The following HDAC4 variants were observed in gnomAD, a reference collection of about 807,000 sequenced individuals.
HDAC4 encodes the protein histone deacetylase 4.
A neutral mutation model predicts 135.1 loss-of-function variants in HDAC4; 16 were observed. The observed-to-expected ratio is 0.12, with a 90% CI of 0.08 to 0.18. The LOEUF (loss-of-function observed/expected upper bound fraction) is 0.18, where lower values mean the gene tolerates loss of function less well. Among genes scored for constraint, HDAC4 ranks in the 10% least tolerant of loss-of-function variants. The probability of loss-of-function intolerance (pLI) is 1.00; values close to 1 mark genes in which losing one functional copy is unlikely to be tolerated. For synonymous variants in HDAC4, 685 were observed against 653.4 expected (o/e 1.05, Z -0.74); for missense variants, 1,143 against 1,511.8 (o/e 0.76, Z 4.05).
rs1347132916 is a variant in HDAC4, at chr2:239,332,625, GA to G, written c.22+20052del. Among the ~76,000 whole-genome samples, 7 of 149,074 alleles carry G rather than the reference GA, an allele frequency of 4.7e-5. No homozygotes were observed. The East Asian group carries it at 1.2e-3, about 25-fold the overall frequency. On this transcript the variant is annotated intron_variant, in intron 2 of 26. Coordinates refer to ENST00000543185, the MANE Select transcript of HDAC4 (RefSeq NM_001378414.1). ...AGTTTTAAGCACGTGGATTACAGAA[GA>G]AAGTCTGAAAAAAAAAAATCAGTGA...
intron 24 of HDAC4, among the ~76,000 whole-genome samples, chr2:239,057,166 C>T (rs1442910350): frequency 6.6e-6 from 1 of 152,152 alleles, no homozygotes; most frequent in Non-Finnish European, 1.5e-5. Context: ...AAGACGTTTT[C>T]TGAGGGGGGA....
intron 2 of HDAC4, among the ~76,000 whole-genome samples, chr2:239,238,908 G>A (rs548455074): frequency 7.9e-5 from 12 of 152,296 alleles, no homozygotes; most frequent in African/African-American, 1.9e-4. Context: ...GCTGGTCCGC[G>A]TCCCACCTAC....
Position 239,397,450 on chromosome 2 carries a change from G to A in HDAC4, c.-220+3528C>T, listed in dbSNP as rs190948993. 3.3e-3 allele frequency among the ~76,000 whole-genome samples: 498 copies of A among 152,252 alleles called. 6 individuals carry two copies. Among genetic ancestry groups the A allele is most frequent in the Admixed American group, 0.019 (297 of 15,294 alleles). On this transcript the variant is annotated intron_variant, in intron 1 of 26. Coordinates refer to ENST00000543185, the MANE Select transcript of HDAC4 (RefSeq NM_001378414.1). ...GCTCCAGGATACATCCTCATCCCCCGACAGTGATACAGGAAGTCACGGTGG... is the reference window on the plus strand; with the variant it reads ...GCTCCAGGATACATCCTCATCCCCCAACAGTGATACAGGAAGTCACGGTGG...
At chr2:239,282,205 T>C (rs1222107356) in intron 2 of HDAC4, among the ~76,000 whole-genome samples, 2 of 113,868 alleles carry the variant, frequency 1.8e-5, no homozygotes, top group African/African-American at 4.0e-5. Context: ...CACTCTACAA[T>C]GTACACACCT....
intron 15 of HDAC4, among the ~76,000 whole-genome samples, chr2:239,105,660 G>C (rs966298402): frequency 6.6e-6 from 1 of 152,206 alleles, no homozygotes. Context: ...CGTCTACCCA[G>C]AGAAGGGGTG....
intron 3 of HDAC4, among the ~76,000 whole-genome samples, chr2:239,217,849 G>A (rs2046727077): frequency 2.0e-5 from 3 of 152,222 alleles, no homozygotes; most frequent in South Asian, 4.1e-4. Flanking sequence ...GGTGCTTTGG[G>A]AGGCTAAGGC....
intron 21 of HDAC4, 31 bp downstream of exon 21, chr2:239,082,071 C>T (rs768863415): frequency 2.3e-5 from 36 of 1,538,272 alleles, no homozygotes; most frequent in Middle Eastern, 1.7e-4. Flanking sequence ...GTCCCCCTTT[C>T]CCCCCAGAGG....
intron 3 of HDAC4, among the ~76,000 whole-genome samples, chr2:239,236,367 C>A (rs1443802663): frequency 6.6e-6 from 1 of 151,914 alleles, no homozygotes; most frequent in Non-Finnish European, 1.5e-5. Flanking sequence ...AGAAAAAAAA[C>A]AACAAAAAAT....
chr2:239,212,963 A>C (rs567169331), intron 3 of HDAC4, among the ~76,000 whole-genome samples: 9 of 152,282 alleles, frequency 5.9e-5, no homozygotes, highest in African/African-American at 2.2e-4. Context: ...GCAGACCAAA[A>C]CAAAGGCCCC....
At chr2:239,376,281 A>G (rs900989323) in intron 1 of HDAC4, among the ~76,000 whole-genome samples, 1 of 150,862 alleles carries the variant, frequency 6.6e-6, no homozygotes, top group Non-Finnish European at 1.5e-5. Context: ...ACAACCCTCC[A>G]CCATCCAAAC....
At chr2:239,392,100 G>A (rs929553524) in intron 1 of HDAC4, among the ~76,000 whole-genome samples, 2 of 152,250 alleles carry the variant, frequency 1.3e-5, no homozygotes, top group Non-Finnish European at 2.9e-5. Flanking sequence ...ATGCCGGGCA[G>A]GGGTGGGATG....
chr2:239,126,597 G>A lies in HDAC4; in HGVS notation c.1392C>T (p.His464=), dbSNP rs1166562513. 5.6e-6 allele frequency: 9 copies of A among 1,613,770 alleles called. No homozygotes were observed. The South Asian group carries it at 9.9e-5, about 18-fold the overall frequency. The part of the protein sequence containing the change: ...VSPSIHKLRQ[H]RPLGRTQSAP... ...CCGACTGGGTCCGCCCCAGTGGGCG[G>A]TGCTGCCGCAGCTTGTGGATGGAGG... The change falls in exon 12 of 27, where the codon CAC becomes CAT. Residue 464 remains histidine (H), a synonymous_variant. Transcript: ENST00000543185.
chr2:239,376,141 C>T (rs1218590489), intron 1 of HDAC4, among the ~76,000 whole-genome samples: 1 of 151,432 alleles, frequency 6.6e-6, no homozygotes, highest in Non-Finnish European at 1.5e-5. Context: ...GCTGTGTGCT[C>T]ACAACCCTCC....
chr2:239,262,781 C>T lies in HDAC4; in HGVS notation c.23-26117G>A, dbSNP rs1461095834. On this transcript the variant is annotated intron_variant, in intron 2 of 26. Transcript: ENST00000543185. This position sits in a 1 kb window ranked among gnomAD's most constrained non-coding sequence, Gnocchi z 4.1. ...AGCCCAAGAACACAGACGAGGAGGC[C>T]TGTGCTCAGGCACTAAGGACACGGA... Among the ~76,000 whole-genome samples the T allele has an allele frequency of 1.3e-5, 2 of 152,254 alleles. No homozygotes were observed. Among genetic ancestry groups the T allele is most frequent in the Admixed American group, 1.3e-4 (2 of 15,288 alleles).
At chr2:239,372,387 C>T (rs1414855866) in intron 1 of HDAC4, among the ~76,000 whole-genome samples, 1 of 152,264 alleles carries the variant, frequency 6.6e-6, no homozygotes, top group African/African-American at 2.4e-5. Flanking sequence ...GTTGTTACCA[C>T]AAGAGTAACA....
intron 2 of HDAC4, among the ~76,000 whole-genome samples, chr2:239,328,164 G>A (rs2053524335): frequency 1.3e-5 from 2 of 152,194 alleles, no homozygotes; most frequent in Admixed American, 1.3e-4. Flanking sequence ...ATGACTGGAG[G>A]CCCAAGTTCT....
At position 239,276,143 on chromosome 2, in the gene HDAC4, G is replaced by A. The variant is rs533799637; in HGVS notation, c.23-39479C>T. ...ACTCACGGCAGACACCGACCCCCACGCCAGCAAGTTCACTCTGGTGGCAAC... is the reference window on the plus strand; with the variant it reads ...ACTCACGGCAGACACCGACCCCCACACCAGCAAGTTCACTCTGGTGGCAAC... On this transcript the variant is annotated intron_variant, in intron 2 of 26. Transcript: ENST00000543185. Among the ~76,000 whole-genome samples the A allele has an allele frequency of 8.5e-5, 13 of 152,276 alleles. No individual in the cohort carries two copies. In the East Asian group the frequency reaches 1.2e-3, roughly 14 times the overall value.
intron 4 of HDAC4, among the ~76,000 whole-genome samples, chr2:239,187,680 T>C (rs1050212352): frequency 6.6e-6 from 1 of 152,252 alleles, no homozygotes; most frequent in East Asian, 1.9e-4. Flanking sequence ...GAAGACTGTG[T>C]CCTCTCTCAT....
chr2:239,097,200 G>A (rs1276285705), intron 16 of HDAC4, among the ~76,000 whole-genome samples: 1 of 152,238 alleles, frequency 6.6e-6, no homozygotes, highest in Non-Finnish European at 1.5e-5. Context: ...CAGGGTCTGT[G>A]CCCGCCTTGT....
Sources: gnomAD v4.1 joint callset for allele counts (sites outside exome capture counted in the v4.1 genomes callset) on GRCh38, gnomAD v4.1.1 for gene constraint, Gnocchi (gnomAD v3.1) non-coding constraint, MANE v1.5 for transcripts, NCBI Gene and HGNC (gene_info 2026-07-23, HGNC 2026-07-21) for gene names.